GCNT1: variants seen among roughly 807,000 people sequenced by gnomAD.
The protein encoded by GCNT1 is beta-1,3-galactosyl-O-glycosyl-glycoprotein beta-1,6-N-acetylglucosaminyltransferase.
A neutral mutation model predicts 26.2 loss-of-function variants in GCNT1; 16 were observed. That is an observed-to-expected ratio of 0.61 (90% CI 0.41 to 0.93). The LOEUF (loss-of-function observed/expected upper bound fraction) is 0.93. GCNT1 is among the 40% of genes least tolerant of loss of function. The probability of loss-of-function intolerance (pLI) is 0.00; values close to 1 mark genes in which losing one functional copy is unlikely to be tolerated. For missense variants in GCNT1, 477 were observed against 526.7 expected, an observed-to-expected ratio of 0.91 and a Z score of 0.92; for synonymous variants, 183 against 190.8, an observed-to-expected ratio of 0.96 and a Z score of 0.34.
chr9:76,440,111 A>G (rs990631093), upstream of GCNT1, among the ~76,000 whole-genome samples: 1 of 151,932 alleles, frequency 6.6e-6, no homozygotes, highest in Admixed American at 6.6e-5. Flanking sequence ...AAATAAAAAA[A>G]AAAAAAAAGA....
At chr9:76,443,986 G>A (rs368078909) in intron 1 of GCNT1, among the ~76,000 whole-genome samples, 12 of 73,702 alleles carry the variant, frequency 1.6e-4, no homozygotes, top group African/African-American at 6.0e-4. Context: ...AGGAAGGAAG[G>A]AAGGAAGAAA....
At chr9:76,396,496 AAAG>A in the GCNT1 span, among the ~76,000 whole-genome samples, 5 of 152,142 alleles carry the variant, frequency 3.3e-5, no homozygotes, top group Admixed American at 6.5e-5. Context: ...ACAAGAAAAA[AAAG>A]AAGAAAGGGG....
intron 3 of GCNT1, among the ~76,000 whole-genome samples, chr9:76,501,304 C>T (rs1191016033): frequency 6.6e-6 from 1 of 152,006 alleles, no homozygotes; most frequent in Admixed American, 6.6e-5. Context: ...AACCAATTGC[C>T]AAGTTATAAA....
the GCNT1 span, among the ~76,000 whole-genome samples, chr9:76,404,370 A>T: frequency 6.6e-6 from 1 of 152,182 alleles, no homozygotes; most frequent in Non-Finnish European, 1.5e-5. Context: ...TGAACTATAT[A>T]TTTAGAAGAT....
intron 2 of GCNT1, among the ~76,000 whole-genome samples, chr9:76,478,045 A>G (rs1304538829): frequency 1.3e-5 from 2 of 152,208 alleles, no homozygotes; most frequent in African/African-American, 4.8e-5. Flanking sequence ...GCTTTGTAAA[A>G]TGGACCAATC....
At chr9:76,467,280 G>T (rs1347318735) in intron 2 of GCNT1, among the ~76,000 whole-genome samples, 3 of 152,140 alleles carry the variant, frequency 2.0e-5, no homozygotes, top group African/African-American at 7.2e-5. Flanking sequence ...CTGACCTAGT[G>T]ATCCACCCGC....
chr9:76,487,875 C>T (rs547028974), intron 2 of GCNT1, among the ~76,000 whole-genome samples: 2 of 152,170 alleles, frequency 1.3e-5, no homozygotes, highest in Non-Finnish European at 2.9e-5. Context: ...GCTGGGACTA[C>T]AGGTGCACAC....
chr9:76,394,321 A>T, the GCNT1 span: 3 of 638,508 alleles, frequency 4.7e-6, no homozygotes, highest in Non-Finnish European at 7.5e-6. Flanking sequence ...GACGACGCCG[A>T]CCACAGGCCA....
upstream of GCNT1, chr9:76,459,178 G>A: frequency 6.6e-6 from 1 of 152,406 alleles, no homozygotes; most frequent in Non-Finnish European, 1.5e-5. Flanking sequence ...CCCCGGGGCG[G>A]GCCACGCTGG....
At chr9:76,432,662 A>G (rs182507900) in intron 1 of GCNT1, among the ~76,000 whole-genome samples, 1 of 152,296 alleles carries the variant, frequency 6.6e-6, no homozygotes, top group African/African-American at 2.4e-5. Flanking sequence ...TGTCTTTCAC[A>G]TACTGATAGC....
In GCNT1 at chr9:76,505,686, A is replaced by G. The variant is rs1825218757; in HGVS notation, c.*2018A>G. 6.0e-6 allele frequency: 1 copy of G among 167,068 alleles called. No individual in the cohort carries two copies. The highest frequency in any genetic ancestry group is 1.5e-5 in the Non-Finnish European group (1 of 68,124). The allele number at this position is 167,068 out of a possible 1,614,324, so 10.3% of individuals were successfully genotyped here. On this transcript the variant is annotated 3_prime_UTR_variant, in exon 4 of 4. Transcript: ENST00000376730. ...TCACCTGGTGTTAACATTGTACCCT[A>G]TTTGCTTTAAGTTGTATGTATTTCT...
upstream of GCNT1, among the ~76,000 whole-genome samples, chr9:76,418,186 T>C (rs1390450226): frequency 6.6e-6 from 1 of 152,124 alleles, no homozygotes; most frequent in Non-Finnish European, 1.5e-5. Context: ...TTAAAATATT[T>C]TAGATTGGCA....
At chr9:76,409,903 A>G in the GCNT1 span, among the ~76,000 whole-genome samples, 1 of 151,888 alleles carries the variant, frequency 6.6e-6, no homozygotes, top group African/African-American at 2.4e-5. Flanking sequence ...AATGCCCTAA[A>G]TTTCCCTCTA....
the GCNT1 span, among the ~76,000 whole-genome samples, chr9:76,410,355 C>T: frequency 6.6e-6 from 1 of 152,112 alleles, no homozygotes; most frequent in Admixed American, 6.6e-5. Context: ...TCGCTTGAAC[C>T]CAGGAGGCAG....
At chr9:76,410,193 A>C in the GCNT1 span, among the ~76,000 whole-genome samples, 4 of 152,132 alleles carry the variant, frequency 2.6e-5, no homozygotes, top group African/African-American at 9.7e-5. Context: ...GCACTTTGGA[A>C]GGCCGAGGTG....
In GCNT1 at chr9:76,502,583, A is replaced by G; in HGVS notation, c.202A>G (p.Asn68Asp). Residue 68 changes from asparagine to aspartate, a missense_variant, in exon 4 of 4, where the codon AAT becomes GAT. Coordinates refer to ENST00000376730, the MANE Select transcript of GCNT1 (RefSeq NM_001490.5). ...NCTKVLQGDV[N>D]EIQKVKLEIL... ...CACCAAAGTTTTACAGGGTGATGTA[A>G]ATGAAATCCAAAAGGTAAAGCTTGA... The G allele has an allele frequency of 6.2e-7, 1 of 1,614,004 alleles. No homozygotes were observed. Among genetic ancestry groups the G allele is most frequent in the South Asian group, 1.1e-5 (1 of 91,074 alleles).
chr9:76,405,112 C>A, the GCNT1 span, among the ~76,000 whole-genome samples: 3 of 152,208 alleles, frequency 2.0e-5, no homozygotes, highest in Admixed American at 1.3e-4. Flanking sequence ...AGCCACCAGA[C>A]CCAACCCAAG....
At chr9:76,451,090 TTGCTTTCTCCA>T (rs1387655833) in intron 1 of GCNT1, among the ~76,000 whole-genome samples, 1 of 152,236 alleles carries the variant, frequency 6.6e-6, no homozygotes, top group Non-Finnish European at 1.5e-5. Flanking sequence ...ATGATTGAAT[TTGCTTTCTCCA>T]TGCTTTGAAA....
At position 76,477,197 on chromosome 9, in the gene GCNT1, G is replaced by A. The variant is rs189151468; in HGVS notation, c.-290+17020G>A. On this transcript the variant is annotated intron_variant, in intron 2 of 3. Coordinates refer to ENST00000376730, the MANE Select transcript of GCNT1 (RefSeq NM_001490.5). ...TCCAAAGTGCTGGGATTACAGGCAC[G>A]AGCCACTGCGCCCAGCCTCTTAAAT... Among the ~76,000 whole-genome samples, 200 of 151,306 alleles carry A rather than the reference G, an allele frequency of 1.3e-3. 1 individual carries two copies. Among genetic ancestry groups the A allele is most frequent in the Non-Finnish European group, 2.0e-3 (137 of 67,830 alleles).
Sources: gnomAD v4.1 joint callset for allele counts (sites outside exome capture counted in the v4.1 genomes callset) on GRCh38, gnomAD v4.1.1 for gene constraint, MANE v1.5 for transcripts, NCBI Gene and HGNC (gene_info 2026-07-23, HGNC 2026-07-21) for gene names.